The following CLCN4 variants were observed in gnomAD, a reference collection of about 807,000 sequenced individuals.
CLCN4 encodes the protein H(+)/Cl(-) exchange transporter 4.
A neutral mutation model predicts 41.7 loss-of-function variants in CLCN4; 1 was observed. The ratio of observed to expected loss-of-function variants is 0.02; its 90% CI spans 0.01 to 0.11. The LOEUF (loss-of-function observed/expected upper bound fraction) is 0.11. Ranked by LOEUF, CLCN4 falls within the 10% of genes least tolerant of loss-of-function variation. The pLI, the probability that CLCN4 is intolerant of heterozygous loss-of-function variation, is 1.00. For missense variants in CLCN4, 287 were observed against 661.0 expected (o/e 0.43, Z 6.20); for synonymous variants, 277 against 285.8 (o/e 0.97, Z 0.31).
chrX:10,226,886 T>C (rs1254301580), intron 12 of CLCN4, among the ~76,000 whole-genome samples: 1 of 110,911 alleles, frequency 9.0e-6, no homozygotes, highest in African/African-American at 3.3e-5. Context: ...AGTTCTGAAA[T>C]TGAGGCAGTA....
intron 8 of CLCN4, 130 bp downstream of exon 8, chrX:10,206,906 GTTTTGTTTTTGT>G (rs61318398): frequency 2.5e-5 from 11 of 436,815 alleles, no homozygotes; most frequent in Admixed American, 1.6e-4. Context: ...TTTTTTTTTT[GTTTTGTTTTTGT>G]TTTTGTTTTT....
chrX:10,204,389 A>G, intron 6 of CLCN4, among the ~76,000 whole-genome samples: 1 of 111,941 alleles, frequency 8.9e-6, no homozygotes, highest in East Asian at 2.8e-4. Context: ...CCCCAAACAT[A>G]TATCATTGGA....
At chrX:10,160,400 G>A (rs1312788322) in intron 2 of CLCN4, among the ~76,000 whole-genome samples, 1 of 111,433 alleles carries the variant, frequency 9.0e-6, no homozygotes, top group Non-Finnish European at 1.9e-5. Context: ...TTGTAGCTGG[G>A]AGGCGAGCTT....
At position 10,208,041 on chromosome X, in the gene CLCN4, T is replaced by A; in HGVS notation, c.844-4T>A. On this transcript the variant is annotated splice_region_variant and splice_polypyrimidine_tract_variant and intron_variant, in intron 8 of 12. Coordinates refer to ENST00000380833, the MANE Select transcript of CLCN4 (RefSeq NM_001830.4). ...GTCTTTAATTTTCCACTTTTTCATCTCAGGTCAGTTACTACTTTCCCCTGA... is the reference window on the plus strand; with the variant it reads ...GTCTTTAATTTTCCACTTTTTCATCACAGGTCAGTTACTACTTTCCCCTGA... 1 of 1,199,210 alleles carries A rather than the reference T, an allele frequency of 8.3e-7. No individual in the cohort carries two copies. Among genetic ancestry groups the A allele is most frequent in the Non-Finnish European group, 1.1e-6 (1 of 887,011 alleles).
chrX:10,163,317 C>T (rs995919301), intron 2 of CLCN4, among the ~76,000 whole-genome samples: 1 of 111,982 alleles, frequency 8.9e-6, no homozygotes, highest in African/African-American at 3.2e-5. Context: ...GTAACAAGAC[C>T]TTTGTTTAAC....
chrX:10,187,623 A>G lies in CLCN4; in HGVS notation c.244+9A>G. On this transcript the variant is annotated intron_variant, in intron 4 of 12. Coordinates refer to ENST00000380833, the MANE Select transcript of CLCN4 (RefSeq NM_001830.4). ...CATCGGCCTGCTGGCGGGTACGTGG[A>G]TGGGCATGCGGCACTCCCGTGGGAA... 1.7e-6 allele frequency: 2 copies of G among 1,187,565 alleles called. No homozygotes were observed. Among genetic ancestry groups the G allele is most frequent in the Non-Finnish European group, 1.1e-6 (1 of 873,567 alleles).
rs1326048996 is a variant in CLCN4 at position 10,210,732 on chromosome X, T to C, written c.1390-1735T>C. On this transcript the variant is annotated intron_variant, in intron 9 of 12. Transcript: ENST00000380833. ...GTGCAGTGGCACAATCATGGGTCAC[T>C]GCAGCCTCGACCTTCTGGGCTCAAG... Among the ~76,000 whole-genome samples, 6 of 98,682 alleles carry C rather than the reference T, an allele frequency of 6.1e-5. No homozygotes were observed. In the East Asian group the frequency reaches 2.1e-3, roughly 34 times the overall value. The allele number at this position is 98,682 out of a possible 115,157, so 85.7% of individuals were successfully genotyped here.
In CLCN4 at chrX:10,161,124, GCTCTCT is replaced by G. The variant is rs34687262; in HGVS notation, c.-12+2606_-12+2611del. ...GTTCCCTTTCCGTTGCCATCAGCTTGCTCTCTCTCTCTCTCTCTCTCTCTCTCTCTC... is the reference window on the plus strand; with the variant it reads ...GTTCCCTTTCCGTTGCCATCAGCTTGCTCTCTCTCTCTCTCTCTCTCTCTC... On this transcript the variant is annotated intron_variant, in intron 2 of 12. Coordinates refer to ENST00000380833, the MANE Select transcript of CLCN4 (RefSeq NM_001830.4). 4.2e-3 allele frequency among the ~76,000 whole-genome samples: 363 copies of G among 86,355 alleles called. 2 individuals are homozygous for G. The highest frequency in any genetic ancestry group is 0.013 in the East Asian group (29 of 2,258). 75.0% of individuals were successfully genotyped at this position (86,355 alleles called of 115,157 possible).
rs149986868 is a variant in CLCN4, at chrX:10,220,689, T to C, written c.2004T>C (p.Ile668=). The change falls in exon 12 of 13, where the codon ATT becomes ATC. Residue 668 remains isoleucine, a synonymous_variant. Coordinates refer to ENST00000380833, the MANE Select transcript of CLCN4 (RefSeq NM_001830.4). ...ACGCCAGACAGAGGCAGGAGGGCATTGTGAGCAATTCCATCATGTACTTCA... is the reference window on the plus strand; with the variant it reads ...ACGCCAGACAGAGGCAGGAGGGCATCGTGAGCAATTCCATCATGTACTTCA... ...IKNARQRQEG[I]VSNSIMYFTE... 3.3e-6 allele frequency: 4 copies of C among 1,209,274 alleles called. No homozygotes were observed. In the African/African-American group the frequency reaches 7.0e-5, roughly 21 times the overall value.
At chrX:10,195,651 C>T (rs960192865) in intron 5 of CLCN4, among the ~76,000 whole-genome samples, 1 of 111,866 alleles carries the variant, frequency 8.9e-6, no homozygotes, top group Non-Finnish European at 1.9e-5. Context: ...ACTCCCATGT[C>T]CCCCAACCTG....
chrX:10,209,875 G>A, intron 9 of CLCN4, among the ~76,000 whole-genome samples: 1 of 100,827 alleles, frequency 9.9e-6, no homozygotes, highest in Non-Finnish European at 2.0e-5. Flanking sequence ...AAACATAAAT[G>A]ATCATTTTAA....
intron 6 of CLCN4, among the ~76,000 whole-genome samples, chrX:10,204,728 C>A (rs1163991296): frequency 9.9e-6 from 1 of 100,859 alleles, no homozygotes; most frequent in African/African-American, 3.6e-5. Context: ...AGATTTGGAC[C>A]ACAGTCTGTA....
intron 12 of CLCN4, among the ~76,000 whole-genome samples, chrX:10,228,289 A>G (rs1183172807): frequency 1.9e-5 from 2 of 108,072 alleles, no homozygotes; most frequent in African/African-American, 6.8e-5. Context: ...GAAGCAAAAC[A>G]CTGCTCAGGG....
chrX:10,192,550 G>A (rs1051239109), intron 4 of CLCN4, among the ~76,000 whole-genome samples: 3 of 111,496 alleles, frequency 2.7e-5, no homozygotes, highest in Non-Finnish European at 5.7e-5. Flanking sequence ...AGTTAGTGAG[G>A]GAAAGAGATG....
intron 2 of CLCN4, among the ~76,000 whole-genome samples, chrX:10,183,158 T>C (rs1260970417): frequency 1.8e-5 from 2 of 112,197 alleles, no homozygotes; most frequent in Non-Finnish European, 3.8e-5. Flanking sequence ...CTAATTTTAC[T>C]CTCTTCCTCA....
At position 10,176,151 on chromosome X, in the gene CLCN4, G is replaced by C. The variant is rs756245031; in HGVS notation, c.-11-8871G>C. Among the ~76,000 whole-genome samples the C allele has an allele frequency of 2.7e-5, 3 of 112,175 alleles. No individual in the cohort carries two copies. The East Asian group carries it at 8.4e-4, about 32-fold the overall frequency. ...TTGTCTTTATATTATACTTGTCCCCGTGGGTCACGATTATTTGTTTGCTGG... is the reference window on the plus strand; with the variant it reads ...TTGTCTTTATATTATACTTGTCCCCCTGGGTCACGATTATTTGTTTGCTGG... On this transcript the variant is annotated intron_variant, in intron 2 of 12. Transcript: ENST00000380833.
intron 2 of CLCN4, among the ~76,000 whole-genome samples, chrX:10,162,809 A>G (rs1383091447): frequency 5.3e-5 from 6 of 112,503 alleles, no homozygotes; most frequent in African/African-American, 1.9e-4. Context: ...GGGGAGCCCA[A>G]GGAGTCCCCA....
intron 12 of CLCN4, among the ~76,000 whole-genome samples, chrX:10,223,572 G>C (rs1924911332): frequency 8.9e-6 from 1 of 111,894 alleles, no homozygotes; most frequent in Admixed American, 9.5e-5. Context: ...TGTTTGATGT[G>C]CTCGCCCACC....
chrX:10,218,682 C>T (rs1041319614), intron 11 of CLCN4, among the ~76,000 whole-genome samples: 1 of 112,466 alleles, frequency 8.9e-6, no homozygotes, highest in African/African-American at 3.2e-5. Context: ...CAGGCTTTTG[C>T]CTGTTCTTAG....
Sources: allele counts gnomAD v4.1 joint callset (sites outside exome capture counted in the v4.1 genomes callset), GRCh38; gene constraint gnomAD v4.1.1; transcripts MANE v1.5; gene names NCBI Gene and HGNC (gene_info 2026-07-23, HGNC 2026-07-21).